The following N4BP3 variants were observed in gnomAD, a reference collection of about 807,000 sequenced individuals.
The protein encoded by N4BP3 is NEDD4 binding protein 3.
A neutral mutation model predicts 43.8 loss-of-function variants in N4BP3; 33 were observed. That is an observed-to-expected ratio of 0.75 (90% confidence interval 0.57 to 1.01). N4BP3 has a LOEUF of 1.01. N4BP3 is among the 50% of genes least tolerant of loss of function. N4BP3 has a pLI of 0.00. For missense variants in N4BP3, 756 were observed against 744.2 expected (o/e 1.02, Z -0.18); for synonymous variants, 326 against 321.9 (o/e 1.01, Z -0.14).
At chr5:178,120,840 T>A in intron 3 of N4BP3, 141 bp downstream of exon 3, 1 of 1,259,046 alleles carries the variant, frequency 7.9e-7, no homozygotes, top group Non-Finnish European at 1.1e-6. Flanking sequence ...GCTTCCTTCC[T>A]CTGCATCCCA....
Position 178,121,807 on chromosome 5 carries a change from G to C in N4BP3, c.1441G>C (p.Glu481Gln), listed in dbSNP as rs1441588516. 6.8e-6 allele frequency: 11 copies of C among 1,609,076 alleles called. No homozygotes were observed. In the South Asian group the frequency reaches 1.1e-4, roughly 16 times the overall value. The change falls in exon 5 of 5, where the codon GAG (glutamate) becomes CAG (glutamine). Residue 481 changes from glutamate to glutamine, a missense_variant. By Grantham distance (29) the Glu-to-Gln change is conservative. Transcript: ENST00000274605. ...ELLQERLRGQEQALRFEQERR... is the reference protein window; with the variant it reads ...ELLQERLRGQQQALRFEQERR... ...GCTGCAGGAGCGACTTCGGGGCCAGGAGCAGGCGCTGCGCTTTGAGCAGGA... is the reference window on the plus strand; with the variant it reads ...GCTGCAGGAGCGACTTCGGGGCCAGCAGCAGGCGCTGCGCTTTGAGCAGGA...
intron 2 of N4BP3, 81 bp from the exon 3 acceptor site, chr5:178,120,095 CAG>C (rs1161662002): frequency 8.6e-6 from 13 of 1,511,568 alleles, no homozygotes; most frequent in African/African-American, 7.0e-5. Flanking sequence ...GAGGATCCCT[CAG>C]GGGCTGTGAG....
At chr5:178,117,396 G>A (rs893833319) in intron 1 of N4BP3, among the ~76,000 whole-genome samples, 1 of 152,086 alleles carries the variant, frequency 6.6e-6, no homozygotes, top group Non-Finnish European at 1.5e-5. Context: ...GGGCAGCCAT[G>A]ACCAGCTACG....
In N4BP3 at chr5:178,124,662, C is replaced by G. The variant is rs910633883; in HGVS notation, c.*2661C>G. ...CTCCAGTCCTTCACTCAGTGTCATC[C>G]CTTCCAGCAGCTCCCTGGGCCTCTT... On this transcript the variant is annotated 3_prime_UTR_variant, in exon 5 of 5. Coordinates refer to ENST00000274605, the MANE Select transcript of N4BP3 (RefSeq NM_015111.2). The G allele has an allele frequency of 6.5e-6, 1 of 153,084 alleles. No homozygotes were observed. Among genetic ancestry groups the G allele is most frequent in the Non-Finnish European group, 1.5e-5 (1 of 68,756 alleles). The allele number at this position is 153,084 out of a possible 1,614,324, so 9.5% of individuals were successfully genotyped here.
rs537861298 is a variant in N4BP3, at chr5:178,118,822, A to G, written c.-30-732A>G. On this transcript the variant is annotated intron_variant, in intron 1 of 4. Transcript: ENST00000274605. The surrounding 1 kb of genome is among the most constrained non-coding windows in gnomAD (Gnocchi z 5.4). ...CCACCCCACAGATTTGGTGGGGAAC[A>G]TGGCAGGAGGGTAAGCAAGGTCAGG... Among the ~76,000 whole-genome samples, 69 of 150,576 alleles carry G rather than the reference A, an allele frequency of 4.6e-4. 1 individual carries two copies. The East Asian group carries it at 7.5e-3, about 16-fold the overall frequency.
intron 1 of N4BP3, among the ~76,000 whole-genome samples, chr5:178,116,571 A>G (rs1346781192): frequency 6.6e-6 from 1 of 151,978 alleles, no homozygotes; most frequent in Non-Finnish European, 1.5e-5. Flanking sequence ...CAGCTGTATG[A>G]TTGTGTTTGC....
chr5:178,122,054 G>A lies in N4BP3; in HGVS notation c.*53G>A, dbSNP rs748093435. The A allele has an allele frequency of 1.5e-5, 22 of 1,510,344 alleles. No homozygotes were observed. The highest frequency in any genetic ancestry group is 6.6e-5 in the South Asian group (5 of 75,424). The allele number at this position is 1,510,344 out of a possible 1,614,324, so 93.6% of individuals were successfully genotyped here. ...ACACTGTCAGAAGGTGCCCTGAGAC[G>A]GCCGGCTCAGCCTTCCCTTGCACTG... is the stretch of plus-strand genomic sequence containing the variant. On this transcript the variant is annotated 3_prime_UTR_variant, in exon 5 of 5. Coordinates refer to ENST00000274605, the MANE Select transcript of N4BP3 (RefSeq NM_015111.2).
At position 178,122,014 on chromosome 5, in the gene N4BP3, G is replaced by A. The variant is rs367910204; in HGVS notation, c.*13G>A. The A allele has an allele frequency of 5.9e-5, 93 of 1,572,314 alleles. No homozygotes were observed. The highest frequency in any genetic ancestry group is 7.2e-5 in the Admixed American group (4 of 55,306). ...CTCCAAGATCTGAGGCCAGCAGAGC[G>A]AGCTGACAGCAGCAACACTGTCAGA... On this transcript the variant is annotated 3_prime_UTR_variant, in exon 5 of 5. Transcript: ENST00000274605.
At chr5:178,116,429 G>C (rs571294946) in intron 1 of N4BP3, among the ~76,000 whole-genome samples, 1 of 152,092 alleles carries the variant, frequency 6.6e-6, no homozygotes, top group African/African-American at 2.4e-5. Flanking sequence ...ACGGTGGGGG[G>C]CCTAAGGAGA....
chr5:178,121,880 G>A lies in N4BP3; in HGVS notation c.1514G>A (p.Arg505Gln), dbSNP rs557102743. 10 of 1,610,062 alleles carry A rather than the reference G, an allele frequency of 6.2e-6. No individual in the cohort carries two copies. In the South Asian group the frequency reaches 6.6e-5, roughly 11 times the overall value. The change falls in exon 5 of 5, where the codon CGG becomes CAG. Residue 505 changes from arginine (R) to glutamine (Q), a missense_variant. Physicochemically the swap from Arg to Gln is conservative, Grantham distance 43 (BLOSUM62 1). Transcript: ENST00000274605. ...AAGGAGCGCGTGCTGCGCTACCAGC[G>A]GGAGATCCAGGGAGGGTACATGGAC... ...EEKERVLRYQ[R>Q]EIQGGYMDMY...
downstream of N4BP3, among the ~76,000 whole-genome samples, chr5:178,126,619 T>A (rs769158386): frequency 9.2e-5 from 14 of 152,170 alleles, no homozygotes; most frequent in Non-Finnish European, 8.8e-5. Context: ...GCTCACTCCT[T>A]TTCCCTCCCA....
In N4BP3 at chr5:178,118,902, G is replaced by T. The variant is rs1266246890; in HGVS notation, c.-30-652G>T. On this transcript the variant is annotated intron_variant, in intron 1 of 4. Coordinates refer to ENST00000274605, the MANE Select transcript of N4BP3 (RefSeq NM_015111.2). The surrounding 1 kb of genome is among the most constrained non-coding windows in gnomAD (Gnocchi z 5.4). ...TTTTTTTGAGATGGAGTCTCCCTCT[G>T]TCGCCCATGCTGGAGTGCAGTGGTG... 3.4e-5 allele frequency among the ~76,000 whole-genome samples: 5 copies of T among 147,122 alleles called. No homozygotes were observed. Among genetic ancestry groups the T allele is most frequent in the African/African-American group, 1.3e-4 (5 of 39,768 alleles).
intron 1 of N4BP3, among the ~76,000 whole-genome samples, chr5:178,116,610 C>CT (rs1757778877): frequency 6.6e-6 from 1 of 152,212 alleles, no homozygotes; most frequent in Non-Finnish European, 1.5e-5. Context: ...GCACCGTGTC[C>CT]TCTAACATGG....
At chr5:178,120,795 G>C (rs1757902553) in intron 3 of N4BP3, 96 bp downstream of exon 3, 1 of 1,420,340 alleles carries the variant, frequency 7.0e-7, no homozygotes, top group African/African-American at 1.4e-5. Context: ...ACGTGGCCGT[G>C]GACACAAGAG....
rs150074997 is a variant in N4BP3 at position 178,121,913 on chromosome 5, G to A, written c.1547G>A (p.Arg516His). ...CAGGGAGGGTACATGGACATGTACC[G>A]CCGCAACCAGGCACTGGAGCAGGAA... Reference protein sequence around the residue: ...EIQGGYMDMYRRNQALEQELR... With the variant: ...EIQGGYMDMYHRNQALEQELR... The change falls in exon 5 of 5, where the codon CGC (arginine) becomes CAC (histidine). Residue 516 changes from arginine to histidine, a missense_variant. By Grantham distance (29) the Arg-to-His change is conservative (BLOSUM62 0). Coordinates refer to ENST00000274605, the MANE Select transcript of N4BP3 (RefSeq NM_015111.2). The A allele has an allele frequency of 6.3e-5, 102 of 1,611,982 alleles. No homozygotes were observed. The African/African-American group carries it at 7.7e-4, about 12-fold the overall frequency.
chr5:178,119,896 CG>C lies in N4BP3; in HGVS notation c.317del (p.Gly106ValfsTer53), dbSNP rs777334580. 1.2e-6 allele frequency: 2 copies of C among 1,607,046 alleles called. No homozygotes were observed. Among genetic ancestry groups the C allele is most frequent in the East Asian group, 4.5e-5 (2 of 44,868 alleles). ...GDFSKTSLPERGRFDKCRIRP... is the reference protein window; with the variant it reads ...GDFSKTSLPEXGRFDKCRIRP... Reference sequence around the variant, plus strand: ...CTTCAGCAAGACCTCGCTGCCAGAACGGGGTCGCTTTGACAAGGTGCACCTT... The same window carrying C: ...CTTCAGCAAGACCTCGCTGCCAGAACGGGTCGCTTTGACAAGGTGCACCTT... On this transcript the variant is annotated frameshift_variant, in exon 2 of 5. Transcript: ENST00000274605. LOFTEE classifies it high-confidence loss of function.
chr5:178,121,848 G>A lies in N4BP3; in HGVS notation c.1482G>A (p.Gln494=). 6.2e-7 allele frequency: 1 copy of A among 1,607,814 alleles called. No homozygotes were observed. ...LRFEQERRTW[Q]EEKERVLRYQ... ...TTGAGCAGGAGCGGCGGACTTGGCA[G>A]GAGGAGAAGGAGCGCGTGCTGCGCT... is the stretch of plus-strand genomic sequence containing the variant. Residue 494 remains glutamine (Q), a synonymous_variant, in exon 5 of 5, where the codon CAG becomes CAA. Coordinates refer to ENST00000274605, the MANE Select transcript of N4BP3 (RefSeq NM_015111.2).
intron 1 of N4BP3, among the ~76,000 whole-genome samples, chr5:178,114,258 A>T (rs963480375): frequency 6.6e-6 from 1 of 151,858 alleles, no homozygotes; most frequent in African/African-American, 2.4e-5. Flanking sequence ...CCTCGCCTTC[A>T]CCCCTGCTTT....
In N4BP3 at chr5:178,118,031, C is replaced by G. The variant is rs73804711; in HGVS notation, c.-30-1523C>G. Among the ~76,000 whole-genome samples, 2,202 of 152,294 alleles carry G rather than the reference C, an allele frequency of 0.014. 61 individuals carry two copies. Among genetic ancestry groups the G allele is most frequent in the African/African-American group, 0.05 (2,090 of 41,560 alleles). On this transcript the variant is annotated intron_variant, in intron 1 of 4. Coordinates refer to ENST00000274605, the MANE Select transcript of N4BP3 (RefSeq NM_015111.2). The surrounding 1 kb of genome is among the most constrained non-coding windows in gnomAD (Gnocchi z 5.4). ...GGTAGTAGGGGACCCACAGCTGCAGCTGGCCTGCTGGGCTTCTGTTCGAGA... is the reference window on the plus strand; with the variant it reads ...GGTAGTAGGGGACCCACAGCTGCAGGTGGCCTGCTGGGCTTCTGTTCGAGA...
Sources: gnomAD v4.1 joint callset for allele counts (sites outside exome capture counted in the v4.1 genomes callset) on GRCh38, gnomAD v4.1.1 for gene constraint, Gnocchi (gnomAD v3.1) non-coding constraint, MANE v1.5 for transcripts, NCBI Gene and HGNC (gene_info 2026-07-23, HGNC 2026-07-21) for gene names.